IMPACT: variants seen among roughly 807,000 people sequenced by gnomAD.
The protein encoded by IMPACT is protein IMPACT.
In IMPACT, 35 loss-of-function variants were observed where a neutral mutation model predicts 47.5. The observed-to-expected ratio is 0.74, with a 90% confidence interval of 0.56 to 0.98. IMPACT has a LOEUF of 0.98. Among genes scored for constraint, IMPACT ranks in the 50% least tolerant of loss-of-function variants. IMPACT has a pLI of 0.00. For synonymous variants in IMPACT, 118 were observed against 125.6 expected, an observed-to-expected ratio of 0.94 and a Z score of 0.40; for missense variants, 373 against 394.8, an observed-to-expected ratio of 0.94 and a Z score of 0.47.
intron 8 of IMPACT, among the ~76,000 whole-genome samples, chr18:24,447,363 A>C (rs1286120796): frequency 6.6e-6 from 1 of 152,200 alleles, no homozygotes; most frequent in South Asian, 2.1e-4. Context: ...GAAATCCACC[A>C]GATGGCATAC....
chr18:24,431,867 A>G (rs890868438), intron 4 of IMPACT, among the ~76,000 whole-genome samples: 2 of 151,924 alleles, frequency 1.3e-5, no homozygotes, highest in Non-Finnish European at 2.9e-5. Flanking sequence ...ACGCACAGCC[A>G]ATGTTTGTAT....
rs767964809 is a variant in IMPACT, at chr18:24,449,898, A to T, written c.839A>T (p.His280Leu). The T allele has an allele frequency of 1.9e-6, 3 of 1,613,968 alleles. No homozygotes were observed. Among genetic ancestry groups the T allele is most frequent in the Non-Finnish European group, 2.5e-6 (3 of 1,179,868 alleles). ...CTGCTAGGACCAGATCGCTTTAAAC[A>T]TATCAACAACTGTGCCAGAAACATA... ...GILLGPDRFKHINNCARNILV... is the reference protein window; with the variant it reads ...GILLGPDRFKLINNCARNILV... The change falls in exon 10 of 11, where the codon CAT (histidine) becomes CTT (leucine). Residue 280 changes from histidine (H) to leucine (L), a missense_variant. His to Leu is a moderately conservative substitution (Grantham distance 99). Transcript: ENST00000284202.
intron 4 of IMPACT, among the ~76,000 whole-genome samples, chr18:24,430,991 C>T (rs1908740669): frequency 6.6e-6 from 1 of 152,140 alleles, no homozygotes; most frequent in Non-Finnish European, 1.5e-5. Context: ...TTCATTCATT[C>T]CTTCATTCAA....
At chr18:24,450,690 AT>A in intron 10 of IMPACT, 88 bp from the exon 11 acceptor site, 2 of 770,266 alleles carry the variant, frequency 2.6e-6, no homozygotes, top group Non-Finnish European at 4.4e-6. Flanking sequence ...TGTGGAATAT[AT>A]ATGTGTAAAT....
chr18:24,433,231 C>G (rs867301517), intron 4 of IMPACT, among the ~76,000 whole-genome samples: 1 of 108,432 alleles, frequency 9.2e-6, no homozygotes, highest in Non-Finnish European at 1.7e-5. Context: ...CTCGCTCTGT[C>G]GCCCAGGCCG....
rs1310811884 is a variant in IMPACT at position 24,452,461 on chromosome 18, C to T, written c.*1614C>T. On this transcript the variant is annotated 3_prime_UTR_variant, in exon 11 of 11. Coordinates refer to ENST00000284202, the MANE Select transcript of IMPACT (RefSeq NM_018439.4). ...AAACTATTAACATTAAATAATTTCACAATTTCAACATGTCAAACCTATGAA... is the reference window on the plus strand; with the variant it reads ...AAACTATTAACATTAAATAATTTCATAATTTCAACATGTCAAACCTATGAA... The T allele has an allele frequency of 6.6e-6, 1 of 152,042 alleles. No homozygotes were observed. The highest frequency in any genetic ancestry group is 1.5e-5 in the Non-Finnish European group (1 of 68,000). 9.4% of individuals were successfully genotyped at this position (152,042 alleles called of 1,614,324 possible).
chr18:24,430,245 A>G, intron 3 of IMPACT, 77 bp from the exon 4 acceptor site: 1 of 1,007,652 alleles, frequency 9.9e-7, no homozygotes, highest in Middle Eastern at 2.5e-4. Context: ...AAAAAAATTT[A>G]TTTGTGATGT....
At chr18:24,441,778 C>T (rs984977993) in intron 6 of IMPACT, among the ~76,000 whole-genome samples, 2 of 152,040 alleles carry the variant, frequency 1.3e-5, no homozygotes, top group Non-Finnish European at 2.9e-5. Flanking sequence ...TGGGGAGCAT[C>T]CAGGGCTCTC....
intron 9 of IMPACT, among the ~76,000 whole-genome samples, chr18:24,448,704 A>G (rs1255282951): frequency 6.6e-6 from 1 of 151,940 alleles, no homozygotes; most frequent in African/African-American, 2.4e-5. Flanking sequence ...CTTTTTAAGA[A>G]TATCCTGTTC....
intron 3 of IMPACT, 79 bp from the exon 4 acceptor site, chr18:24,430,243 T>G: frequency 1.0e-6 from 1 of 998,314 alleles, no homozygotes; most frequent in Non-Finnish European, 1.5e-6. Flanking sequence ...CCAAAAAAAT[T>G]TATTTGTGAT....
At chr18:24,427,753 G>A (rs1568084249) in intron 1 of IMPACT, 166 bp from the exon 2 acceptor site, 1 of 593,998 alleles carries the variant, frequency 1.7e-6, no homozygotes, top group East Asian at 3.2e-5. Context: ...CACCCAGAGA[G>A]CAGAACATGG....
At chr18:24,426,959 G>A in intron 1 of IMPACT, 167 bp downstream of exon 1, 1 of 470,524 alleles carries the variant, frequency 2.1e-6, no homozygotes, top group Non-Finnish European at 3.4e-6. Flanking sequence ...CTTCCCGTCG[G>A]CCGAGCGCTC....
intron 6 of IMPACT, among the ~76,000 whole-genome samples, chr18:24,442,669 T>C (rs1033430710): frequency 1.3e-5 from 2 of 152,204 alleles, no homozygotes; most frequent in Non-Finnish European, 2.9e-5. Context: ...AACTGATAAA[T>C]AAATTTTATA....
intron 5 of IMPACT, among the ~76,000 whole-genome samples, chr18:24,438,961 T>C (rs1342378240): frequency 1.3e-5 from 2 of 152,162 alleles, no homozygotes; most frequent in East Asian, 1.9e-4. Context: ...AATTGGCTTA[T>C]ACAGTTGTGG....
chr18:24,433,223 C>T (rs1190772086), intron 4 of IMPACT, among the ~76,000 whole-genome samples: 24 of 108,496 alleles, frequency 2.2e-4, no homozygotes, highest in African/African-American at 6.2e-4. Context: ...GACGGAGTCT[C>T]GCTCTGTCGC....
In IMPACT at chr18:24,428,137, T is replaced by G; in HGVS notation, c.165+90T>G. On this transcript the variant is annotated intron_variant, in intron 2 of 10. Transcript: ENST00000284202. Reference sequence around the variant, plus strand: ...GTATTCTAATGATTGTGTTGTTTTCTAAATTATCTTTGTTCTTGGCTTTTC... The same window carrying G: ...GTATTCTAATGATTGTGTTGTTTTCGAAATTATCTTTGTTCTTGGCTTTTC... 6.6e-6 allele frequency: 8 copies of G among 1,214,968 alleles called. No homozygotes were observed. In the South Asian group the frequency reaches 1.4e-4, roughly 21 times the overall value. 75.3% of individuals were successfully genotyped at this position (1,214,968 alleles called of 1,614,324 possible).
At position 24,452,977 on chromosome 18, in the gene IMPACT, A is replaced by G. The variant is rs1909424780; in HGVS notation, c.*2130A>G. 2 of 152,006 alleles carry G rather than the reference A, an allele frequency of 1.3e-5. No homozygotes were observed. Among genetic ancestry groups the G allele is most frequent in the African/African-American group, 4.8e-5 (2 of 41,378 alleles). 9.4% of individuals were successfully genotyped at this position (152,006 alleles called of 1,614,324 possible). On this transcript the variant is annotated 3_prime_UTR_variant, in exon 11 of 11. Transcript: ENST00000284202. ...TTTTTTGTAAAGATAGGGTCTTTCT[A>G]TGTTGCCCAGGCTCGTCTTGAGCTC...
chr18:24,451,090 T>C lies in IMPACT; in HGVS notation c.*243T>C. 3.1e-6 allele frequency: 1 copy of C among 320,192 alleles called. No homozygotes were observed. The highest frequency in any genetic ancestry group is 5.8e-6 in the Non-Finnish European group (1 of 173,232). 19.8% of individuals were successfully genotyped at this position (320,192 alleles called of 1,614,324 possible). ...ATTTGAACTTAATCACCACTTCATC[T>C]AATTTTAGCAAGGTAACAGTTGCCC... On this transcript the variant is annotated 3_prime_UTR_variant, in exon 11 of 11. Transcript: ENST00000284202.
At chr18:24,447,089 G>A (rs943459222) in intron 8 of IMPACT, among the ~76,000 whole-genome samples, 17 of 152,220 alleles carry the variant, frequency 1.1e-4, no homozygotes, top group Admixed American at 7.2e-4. Flanking sequence ...AAAGAAAAAA[G>A]TACTCATAGT....
Sources: gnomAD v4.1 joint callset for allele counts (sites outside exome capture counted in the v4.1 genomes callset) on GRCh38, gnomAD v4.1.1 for gene constraint, MANE v1.5 for transcripts, NCBI Gene and HGNC (gene_info 2026-07-23, HGNC 2026-07-21) for gene names.